Variants in DCAF6 observed in about 807,000 individuals in gnomAD.
DCAF6 encodes DDB1- and CUL4-associated factor 6.
A neutral mutation model predicts 125.1 loss-of-function variants in DCAF6; 54 were observed. The observed-to-expected ratio is 0.43, with a 90% CI of 0.35 to 0.54. DCAF6 has a LOEUF of 0.54. DCAF6 is among the 20% of genes least tolerant of loss of function. The pLI, the probability that DCAF6 is intolerant of heterozygous loss-of-function variation, is 0.01. For missense variants in DCAF6, 934 were observed against 1,161.7 expected (o/e 0.80, Z 2.85); for synonymous variants, 371 against 390.4 (o/e 0.95, Z 0.58).
chr1:167,975,237 C>G (rs114094645), intron 4 of DCAF6, among the ~76,000 whole-genome samples: 1,589 of 152,246 alleles, frequency 0.01, 34 homozygotes, highest in African/African-American at 0.035. Flanking sequence ...AGTAATAGTA[C>G]TCTAAGATGG....
chr1:167,977,478 G>A (rs1678428724), intron 4 of DCAF6, among the ~76,000 whole-genome samples: 1 of 152,018 alleles, frequency 6.6e-6, no homozygotes, highest in African/African-American at 2.4e-5. Flanking sequence ...TCCTGTATAG[G>A]TAACCTGTTT....
chr1:167,947,106 G>A (rs1465652514), intron 1 of DCAF6, among the ~76,000 whole-genome samples: 1 of 152,070 alleles, frequency 6.6e-6, no homozygotes, highest in African/African-American at 2.4e-5. Flanking sequence ...TTCTTGGTAG[G>A]TTGTGTTTTT....
At chr1:168,054,563 C>G (rs1056050496) in intron 17 of DCAF6, among the ~76,000 whole-genome samples, 5 of 152,114 alleles carry the variant, frequency 3.3e-5, no homozygotes, top group African/African-American at 9.7e-5. Flanking sequence ...TACTATAAAC[C>G]AAGTGTGTGT....
intron 1 of DCAF6, among the ~76,000 whole-genome samples, chr1:167,947,258 C>T (rs2102679078): frequency 6.6e-6 from 1 of 150,896 alleles, no homozygotes; most frequent in East Asian, 1.9e-4. Flanking sequence ...CTTCTCCCTT[C>T]TTTTCTTGGT....
At chr1:168,008,825 TCTGCC>T (rs1298341362) in intron 10 of DCAF6, among the ~76,000 whole-genome samples, 12 of 148,916 alleles carry the variant, frequency 8.1e-5, no homozygotes, top group African/African-American at 1.7e-4. Flanking sequence ...CGTGCCAAAT[TCTGCC>T]CTGCCCTGCC....
At chr1:167,912,122 G>A in the DCAF6 span, among the ~76,000 whole-genome samples, 1 of 152,156 alleles carries the variant, frequency 6.6e-6, no homozygotes, top group Non-Finnish European at 1.5e-5. Context: ...CTTTCTACAG[G>A]CACATACCAC....
chr1:168,002,005 T>C (rs1007494155), intron 7 of DCAF6, among the ~76,000 whole-genome samples: 1 of 152,154 alleles, frequency 6.6e-6, no homozygotes, highest in Non-Finnish European at 1.5e-5. Context: ...AGGGTCGCAA[T>C]AGATTCTGTT....
At chr1:168,042,341 C>A (rs1274262232) in intron 13 of DCAF6, among the ~76,000 whole-genome samples, 3 of 152,032 alleles carry the variant, frequency 2.0e-5, no homozygotes, top group Non-Finnish European at 4.4e-5. Flanking sequence ...CCTCTTGTTA[C>A]ACATATGCCA....
chr1:168,065,225 T>A (rs1163264896), intron 18 of DCAF6, among the ~76,000 whole-genome samples: 1 of 152,136 alleles, frequency 6.6e-6, no homozygotes, highest in East Asian at 1.9e-4. Context: ...GTCCCTCTTC[T>A]TAGGGGGGAT....
intron 21 of DCAF6, among the ~76,000 whole-genome samples, chr1:168,073,972 CAT>C (rs1362885297): frequency 1.4e-5 from 2 of 143,712 alleles, no homozygotes; most frequent in Non-Finnish European, 1.5e-5. Context: ...GTATTGAATA[CAT>C]ATTTATAAAA....
At chr1:167,921,720 G>GT in the DCAF6 span, among the ~76,000 whole-genome samples, 855 of 150,742 alleles carry the variant, frequency 5.7e-3, 7 homozygotes, top group African/African-American at 0.019. Flanking sequence ...TTAATAAATT[G>GT]TTTTTTTTTA....
intron 3 of DCAF6, among the ~76,000 whole-genome samples, chr1:167,971,137 T>A (rs41428546): frequency 0.03 from 4,553 of 152,316 alleles, 237 homozygotes; most frequent in African/African-American, 0.1. Flanking sequence ...GATCACCTGC[T>A]TTCTCGGGTA....
chr1:167,863,658 A>G, the DCAF6 span, among the ~76,000 whole-genome samples: 1 of 152,220 alleles, frequency 6.6e-6, no homozygotes, highest in African/African-American at 2.4e-5. Flanking sequence ...CCTGTGGAAC[A>G]TCCCTGCTGG....
At chr1:167,935,466 G>A (rs74120570), upstream of DCAF6, among the ~76,000 whole-genome samples, 2,531 of 152,360 alleles carry the variant, frequency 0.017, 65 homozygotes, top group African/African-American at 0.058. Context: ...CAAATCTGGA[G>A]ATCAGGTTTG....
At chr1:167,916,298 C>T in the DCAF6 span, among the ~76,000 whole-genome samples, 5 of 152,224 alleles carry the variant, frequency 3.3e-5, no homozygotes, top group African/African-American at 1.2e-4. Context: ...CCTCCGCCTC[C>T]TGGGTTGAAG....
At chr1:168,056,844 A>G (rs975764252) in intron 17 of DCAF6, among the ~76,000 whole-genome samples, 1 of 152,236 alleles carries the variant, frequency 6.6e-6, no homozygotes, top group East Asian at 1.9e-4. Flanking sequence ...TACATTCTAG[A>G]CAAGTATTGA....
chr1:168,065,340 A>G (rs1692188619), intron 18 of DCAF6, among the ~76,000 whole-genome samples: 1 of 151,466 alleles, frequency 6.6e-6, no homozygotes, highest in Non-Finnish European at 1.5e-5. Flanking sequence ...TAGATAGGGG[A>G]TCTCACTATA....
At chr1:168,022,083 T>G (rs1232242534) in intron 11 of DCAF6, among the ~76,000 whole-genome samples, 2 of 152,048 alleles carry the variant, frequency 1.3e-5, no homozygotes, top group Admixed American at 1.3e-4. Context: ...CCAGGCTGAT[T>G]AGAGAGTAAG....
intron 12 of DCAF6, among the ~76,000 whole-genome samples, chr1:168,032,699 T>A (rs1353229849): frequency 1.3e-5 from 2 of 152,192 alleles, no homozygotes; most frequent in Non-Finnish European, 1.5e-5. Flanking sequence ...AGAAAACTCA[T>A]TAGGTAAACA....
Sources: allele counts gnomAD v4.1 joint callset (sites outside exome capture counted in the v4.1 genomes callset), GRCh38; gene constraint gnomAD v4.1.1; transcripts MANE v1.5; gene names NCBI Gene and HGNC (gene_info 2026-07-23, HGNC 2026-07-21).